Variants in CDH7 observed in about 807,000 individuals in gnomAD.
The protein encoded by CDH7 is cadherin-7.
A neutral mutation model predicts 71.8 loss-of-function variants in CDH7; 25 were observed. The observed-to-expected ratio is 0.35, with a 90% CI of 0.25 to 0.49. The LOEUF is 0.49. Ranked by LOEUF, CDH7 falls within the 20% of genes least tolerant of loss-of-function variation. The probability of loss-of-function intolerance (pLI) is 0.99; values close to 1 mark genes in which losing one functional copy is unlikely to be tolerated. For missense variants in CDH7, 862 were observed against 974.6 expected (o/e 0.88, Z 1.54); for synonymous variants, 381 against 363.8 (o/e 1.05, Z -0.54).
intron 11 of CDH7, among the ~76,000 whole-genome samples, chr18:65,872,502 T>C (rs902328997): frequency 2.0e-5 from 3 of 151,792 alleles, no homozygotes; most frequent in Non-Finnish European, 4.4e-5. Context: ...GTGGAGAGAG[T>C]TTCAAGATGA....
Position 65,832,944 on chromosome 18 carries a change from A to G in CDH7, c.981+8113A>G, listed in dbSNP as rs1484331342. On this transcript the variant is annotated intron_variant, in intron 6 of 11. Coordinates refer to ENST00000397968, the MANE Select transcript of CDH7 (RefSeq NM_004361.5). The stretch of plus-strand genomic sequence containing the variant: ...TTACTATAGAGTAAAAAAAATGAGC[A>G]TTTTCAAAATTAATTCCCTATGAAA... 2.6e-5 allele frequency among the ~76,000 whole-genome samples: 4 copies of G among 152,278 alleles called. No individual in the cohort carries two copies. The South Asian group carries it at 8.3e-4, about 32-fold the overall frequency.
intron 6 of CDH7, among the ~76,000 whole-genome samples, chr18:65,825,528 AAAT>A (rs1277304029): frequency 1.3e-5 from 2 of 151,890 alleles, no homozygotes; most frequent in Non-Finnish European, 1.5e-5. Context: ...ATTTAATCAA[AAAT>A]AATAACTCAA....
At chr18:65,796,020 T>A (rs1910899885) in intron 2 of CDH7, among the ~76,000 whole-genome samples, 1 of 152,060 alleles carries the variant, frequency 6.6e-6, no homozygotes, top group Non-Finnish European at 1.5e-5. Flanking sequence ...GAACTGTGAG[T>A]CAATTAAACC....
rs188407796 is a variant in CDH7 at position 65,884,581 on chromosome 18, T to G, written c.*3687T>G. On this transcript the variant is annotated 3_prime_UTR_variant, in exon 12 of 12. Coordinates refer to ENST00000397968, the MANE Select transcript of CDH7 (RefSeq NM_004361.5). ...GGATGGTAGACATAGGCAATTATTTTCATGTCAACGGCATAGTTACACAAT... is the reference window on the plus strand; with the variant it reads ...GGATGGTAGACATAGGCAATTATTTGCATGTCAACGGCATAGTTACACAAT... The G allele has an allele frequency of 6.6e-6, 1 of 152,304 alleles. No homozygotes were observed. The highest frequency in any genetic ancestry group is 1.5e-5 in the Non-Finnish European group (1 of 68,016). The allele number at this position is 152,304 out of a possible 1,614,324, so 9.4% of individuals were successfully genotyped here. A position where few individuals can be genotyped will look rare whatever the true frequency, so the allele number is the denominator to read the frequency against.
chr18:65,787,916 A>T (rs3898057), intron 2 of CDH7, among the ~76,000 whole-genome samples: 1 of 152,060 alleles, frequency 6.6e-6, no homozygotes, highest in African/African-American at 2.4e-5. Flanking sequence ...AAAGCGAGTA[A>T]CCAGTTAGTG....
chr18:65,784,090 C>G (rs930695403), intron 2 of CDH7, among the ~76,000 whole-genome samples: 1 of 148,284 alleles, frequency 6.7e-6, no homozygotes, highest in East Asian at 2.0e-4. Flanking sequence ...TAGCTGGGAA[C>G]ACAGGCATTA....
chr18:65,795,302 T>C (rs911891953), intron 2 of CDH7, among the ~76,000 whole-genome samples: 2 of 152,176 alleles, frequency 1.3e-5, no homozygotes, highest in African/African-American at 4.8e-5. Context: ...TGGCACTTTT[T>C]TTCCCCAACA....
chr18:65,851,417 G>T (rs928173952), intron 7 of CDH7, among the ~76,000 whole-genome samples: 2 of 152,104 alleles, frequency 1.3e-5, no homozygotes, highest in Admixed American at 1.3e-4. Context: ...TGATATATTT[G>T]TGTTAATCTA....
intron 1 of CDH7, among the ~76,000 whole-genome samples, chr18:65,758,581 T>A (rs557358082): frequency 7.2e-5 from 11 of 152,272 alleles, no homozygotes; most frequent in African/African-American, 2.6e-4. Context: ...AAAAGAAAAT[T>A]TCGTCCTCTG....
At chr18:65,798,650 C>G (rs1486162970) in intron 2 of CDH7, among the ~76,000 whole-genome samples, 2 of 152,142 alleles carry the variant, frequency 1.3e-5, no homozygotes, top group African/African-American at 4.8e-5. Flanking sequence ...CTTGGCTGAC[C>G]TTGTGGGGAG....
chr18:65,806,525 T>A (rs1468246431), intron 2 of CDH7, among the ~76,000 whole-genome samples: 1 of 152,122 alleles, frequency 6.6e-6, no homozygotes, highest in Non-Finnish European at 1.5e-5. Context: ...TTTGGTTGCG[T>A]TTATTTTGTT....
rs1411787531 is a variant in CDH7 at position 65,862,932 on chromosome 18, CAG to C, written c.1864+16_1864+17del. The C allele has an allele frequency of 6.2e-7, 1 of 1,611,062 alleles. No homozygotes were observed. The highest frequency in any genetic ancestry group is 8.5e-7 in the Non-Finnish European group (1 of 1,178,120). On this transcript the variant is annotated intron_variant, in intron 11 of 11. Coordinates refer to ENST00000397968, the MANE Select transcript of CDH7 (RefSeq NM_004361.5). ...GACATTATTGGGTAGGTACTGTTTC[CAG>C]GGCTTGCTCTGAAAGAGCTGTCACA...
intron 2 of CDH7, among the ~76,000 whole-genome samples, chr18:65,799,100 C>A (rs1911020567): frequency 6.6e-6 from 1 of 152,112 alleles, no homozygotes; most frequent in African/African-American, 2.4e-5. Context: ...GGCTCTTTGA[C>A]TTGTCCATTT....
Position 65,880,514 on chromosome 18 carries a change from G to A in CDH7, c.1978G>A (p.Glu660Lys). 2 of 1,613,230 alleles carry A rather than the reference G, an allele frequency of 1.2e-6. No individual in the cohort carries two copies. The highest frequency in any genetic ancestry group is 1.7e-6 in the Non-Finnish European group (2 of 1,179,780). ...IVRYDDEGGG[E>K]EDTEAFDMAA... is the part of the protein sequence containing the mutation. ...GAGATACGATGACGAGGGCGGGGGA[G>A]AGGAGGACACGGAAGCGTTTGACAT... is the stretch of plus-strand genomic sequence containing the variant. The change falls in exon 12 of 12, where the codon GAG becomes AAG. Residue 660 changes from glutamate (E) to lysine (K), a missense_variant. Transcript: ENST00000397968.
intron 11 of CDH7, among the ~76,000 whole-genome samples, chr18:65,877,304 G>A (rs1018341918): frequency 1.3e-5 from 2 of 151,968 alleles, no homozygotes; most frequent in African/African-American, 4.8e-5. Context: ...GCACTGTAGA[G>A]TTTTACTTTG....
At position 65,782,031 on chromosome 18, in the gene CDH7, TTC is replaced by T. The variant is rs1568182199; in HGVS notation, c.210+18980_210+18981del. 4.4e-4 allele frequency among the ~76,000 whole-genome samples: 23 copies of T among 52,522 alleles called. 4 individuals are homozygous for T. The highest frequency in any genetic ancestry group is 5.5e-4 in the Non-Finnish European group (17 of 31,108). The allele number at this position is 52,522 out of a possible 152,430, so 34.5% of individuals were successfully genotyped here. On this transcript the variant is annotated intron_variant, in intron 2 of 11. Transcript: ENST00000397968. ...CTCTCTTTCTCTCTCTCTTTCTCCC[TTC>T]CTTCCTTCCTTCCTTCCTTCCTTCC...
chr18:65,763,594 G>GTGTGTGTGTGT (rs1555680614), intron 2 of CDH7, among the ~76,000 whole-genome samples: 1 of 99,130 alleles, frequency 1.0e-5, no homozygotes, highest in East Asian at 2.8e-4. Flanking sequence ...TTGATAGGGG[G>GTGTGTGTGTGT]GTGTGTGTGT....
intron 7 of CDH7, among the ~76,000 whole-genome samples, chr18:65,854,129 G>A (rs1913262041): frequency 6.6e-6 from 1 of 150,912 alleles, no homozygotes; most frequent in African/African-American, 2.4e-5. Context: ...GCAATAGTGA[G>A]ACCGTATCTC....
Position 65,886,436 on chromosome 18 carries a change from T to A in CDH7, c.*5542T>A, listed in dbSNP as rs1486895207. 2.0e-5 allele frequency: 3 copies of A among 152,112 alleles called. No individual in the cohort carries two copies. The highest frequency in any genetic ancestry group is 7.2e-5 in the African/African-American group (3 of 41,446). The allele number at this position is 152,112 out of a possible 1,614,324, so 9.4% of individuals were successfully genotyped here. ...AGTTATTTATAAGATCTCAGAAGAT[T>A]GCAGTTTAACTCAACATAATTCAAC... On this transcript the variant is annotated 3_prime_UTR_variant, in exon 12 of 12. Transcript: ENST00000397968.
Sources: gnomAD v4.1 joint callset for allele counts (sites outside exome capture counted in the v4.1 genomes callset) on GRCh38, gnomAD v4.1.1 for gene constraint, MANE v1.5 for transcripts, NCBI Gene and HGNC (gene_info 2026-07-23, HGNC 2026-07-21) for gene names.